PDE4D: variants seen among roughly 807,000 people sequenced by gnomAD.
PDE4D encodes 3',5'-cyclic-AMP phosphodiesterase 4D.
In PDE4D, 24 loss-of-function variants were observed where a neutral mutation model predicts 87.4. The ratio of observed to expected loss-of-function variants is 0.27; its 90% CI spans 0.20 to 0.39. The LOEUF is 0.39. Ranked by LOEUF, PDE4D falls within the 10% of genes least tolerant of loss-of-function variation. The pLI is 1.00. For missense variants in PDE4D, 714 were observed against 1,041.0 expected (o/e 0.69, Z 4.32); for synonymous variants, 384 against 383.2 (o/e 1.00, Z -0.02).
chr5:59,798,253 CCTGTGT>C (rs1447140312), intron 1 of PDE4D, among the ~76,000 whole-genome samples: 7 of 84,518 alleles, frequency 8.3e-5, no homozygotes, highest in Admixed American at 5.1e-4. Context: ...TATATAAATG[CCTGTGT>C]GTGTGTGTGT....
chr5:58,991,852 G>C lies in PDE4D; in HGVS notation c.1168C>G (p.Gln390Glu), dbSNP rs372918737. 3.9e-5 allele frequency: 59 copies of C among 1,515,168 alleles called. 1 individual carries two copies. In the Middle Eastern group the frequency reaches 8.7e-4, roughly 22 times the overall value. The allele number at this position is 1,515,168 out of a possible 1,614,324, so 93.9% of individuals were successfully genotyped here. A position where few individuals can be genotyped will look rare whatever the true frequency, so the allele number is the denominator to read the frequency against. The part of the protein sequence containing the change: ...SIPRFGVKTE[Q>E]EDVLAKELED... ...CATACCTTGGCAAGGACATCTTCTT[G>C]TTCAGTTTTAACTCCAAACCTTGGG... is the stretch of plus-strand genomic sequence containing the variant. Residue 390 changes from glutamine (Q) to glutamate (E), a missense_variant, in exon 8 of 15, where the codon CAA becomes GAA. Transcript: ENST00000340635.
At chr5:59,191,885 G>C (rs541364822) in intron 3 of PDE4D, among the ~76,000 whole-genome samples, 1 of 152,070 alleles carries the variant, frequency 6.6e-6, no homozygotes, top group Non-Finnish European at 1.5e-5. Flanking sequence ...GTTTTCAATA[G>C]TAATCAATTA....
chr5:59,699,288 C>T (rs935788536), intron 1 of PDE4D, among the ~76,000 whole-genome samples: 1 of 152,178 alleles, frequency 6.6e-6, no homozygotes, highest in East Asian at 1.9e-4. Flanking sequence ...ATTTAACATA[C>T]TCAATGTGGC....
At chr5:59,220,046 A>G (rs758402599) in intron 1 of PDE4D, among the ~76,000 whole-genome samples, 7 of 152,208 alleles carry the variant, frequency 4.6e-5, no homozygotes, top group African/African-American at 7.2e-5. Flanking sequence ...CCTAATAGGT[A>G]GGGATGGATG....
At chr5:59,621,709 G>C (rs1579923328) in intron 1 of PDE4D, among the ~76,000 whole-genome samples, 1 of 152,292 alleles carries the variant, frequency 6.6e-6, no homozygotes, top group East Asian at 1.9e-4. Flanking sequence ...AATGTCCCTA[G>C]GAAGCCAGGC....
chr5:59,731,443 T>C (rs548459071), intron 1 of PDE4D, among the ~76,000 whole-genome samples: 1 of 152,232 alleles, frequency 6.6e-6, no homozygotes, highest in South Asian at 2.1e-4. Context: ...GAGGGTATCA[T>C]AGAATCACTG....
intron 1 of PDE4D, among the ~76,000 whole-genome samples, chr5:60,223,126 T>C (rs1390419455): frequency 6.6e-6 from 1 of 152,108 alleles, no homozygotes; most frequent in East Asian, 1.9e-4. Flanking sequence ...AGGGTGGGAA[T>C]AGAGTGACCC....
intron 5 of PDE4D, among the ~76,000 whole-genome samples, chr5:59,081,518 T>TAAAAAAAAAAAAAAAA (rs35050580): frequency 7.4e-6 from 1 of 135,436 alleles, no homozygotes; most frequent in Non-Finnish European, 1.6e-5. Context: ...AGTAATCAGG[T>TAAAAAAAAAAAAAAAA]AAAAAAAAAA....
chr5:58,977,778 T>C (rs879484884), intron 11 of PDE4D, among the ~76,000 whole-genome samples: 1 of 152,226 alleles, frequency 6.6e-6, no homozygotes, highest in Non-Finnish European at 1.5e-5. Context: ...GGATTGTTTG[T>C]ACTCAAAGAG....
chr5:59,814,908 G>A (rs1037015718), intron 1 of PDE4D, among the ~76,000 whole-genome samples: 7 of 152,156 alleles, frequency 4.6e-5, no homozygotes, highest in African/African-American at 1.7e-4. Flanking sequence ...TATTGAAGAA[G>A]TGCCCTAGTA....
intron 2 of PDE4D, among the ~76,000 whole-genome samples, chr5:60,006,354 C>T (rs1352058521): frequency 6.6e-5 from 10 of 151,936 alleles, no homozygotes; most frequent in African/African-American, 1.2e-4. Context: ...TTCTCAACTA[C>T]GTATTTTTAA....
rs536930253 is a variant in PDE4D at position 59,586,770 on chromosome 5, G to C, written c.455+306398C>G. ...GACTCTGGAATGTGGGAAGAAAGGA[G>C]TCAAAAGACAGTTTCTTGATATCCT... is the stretch of plus-strand genomic sequence containing the variant. On this transcript the variant is annotated intron_variant, in intron 1 of 14. Transcript: ENST00000340635. 3.0e-6 allele frequency: 3 copies of C among 985,364 alleles called. No homozygotes were observed. In the South Asian group the frequency reaches 1.4e-4, roughly 46 times the overall value. The allele number at this position is 985,364 out of a possible 1,614,324, so 61.0% of individuals were successfully genotyped here.
chr5:59,199,247 G>A (rs920164331), intron 2 of PDE4D, among the ~76,000 whole-genome samples: 1 of 127,590 alleles, frequency 7.8e-6, no homozygotes, highest in Non-Finnish European at 1.7e-5. Flanking sequence ...GCTTACGTTT[G>A]AATCTAATCC....
chr5:58,978,836 A>G (rs147329775), intron 11 of PDE4D, among the ~76,000 whole-genome samples: 1 of 152,314 alleles, frequency 6.6e-6, no homozygotes, highest in Admixed American at 6.5e-5. Flanking sequence ...AAATGCCTTT[A>G]TGAACCTTTA....
At chr5:59,214,071 C>G (rs1031089241) in intron 2 of PDE4D, among the ~76,000 whole-genome samples, 2 of 147,340 alleles carry the variant, frequency 1.4e-5, no homozygotes, top group Non-Finnish European at 3.0e-5. Flanking sequence ...CACACACACA[C>G]ACACACAACC....
chr5:59,430,808 G>A (rs1795998151), intron 1 of PDE4D, among the ~76,000 whole-genome samples: 1 of 152,116 alleles, frequency 6.6e-6, no homozygotes, highest in Admixed American at 6.6e-5. Flanking sequence ...TGTAATAGTA[G>A]TTTGGTAATC....
intron 6 of PDE4D, among the ~76,000 whole-genome samples, chr5:59,022,972 G>A (rs1013819198): frequency 6.6e-6 from 1 of 152,096 alleles, no homozygotes; most frequent in Non-Finnish European, 1.5e-5. Context: ...TCAGGAGTTC[G>A]AGACCAGCCT....
intron 1 of PDE4D, among the ~76,000 whole-genome samples, chr5:59,436,092 C>T (rs1485453046): frequency 6.6e-6 from 1 of 152,110 alleles, no homozygotes; most frequent in East Asian, 1.9e-4. Flanking sequence ...CTGGCAAATT[C>T]AAAATTAATT....
intron 1 of PDE4D, among the ~76,000 whole-genome samples, chr5:59,242,340 G>A (rs1561792486): frequency 6.6e-6 from 1 of 152,144 alleles, no homozygotes; most frequent in Non-Finnish European, 1.5e-5. Flanking sequence ...CTCTAAGCAG[G>A]TGACCAGGAG....
Sources: allele counts gnomAD v4.1 joint callset (sites outside exome capture counted in the v4.1 genomes callset), GRCh38; gene constraint gnomAD v4.1.1; transcripts MANE v1.5; gene names NCBI Gene and HGNC (gene_info 2026-07-23, HGNC 2026-07-21).